Variants in GRIK1 observed in about 807,000 individuals in gnomAD.
The protein encoded by GRIK1 is glutamate ionotropic receptor kainate type subunit 1, also known as glutamate receptor ionotropic, kainate 1.
In GRIK1, 69 loss-of-function variants were observed where a neutral mutation model predicts 105.7. The observed-to-expected ratio is 0.65, with a 90% confidence interval of 0.54 to 0.80. The LOEUF (loss-of-function observed/expected upper bound fraction) is 0.80. Ranked by LOEUF, GRIK1 falls within the 30% of genes least tolerant of loss-of-function variation. GRIK1 has a pLI of 0.00. For synonymous variants in GRIK1, 438 were observed against 431.3 expected (o/e 1.02, Z -0.19); for missense variants, 1,109 against 1,167.3 (o/e 0.95, Z 0.73).
chr21:29,834,841 A>C (rs1306184490), intron 1 of GRIK1, among the ~76,000 whole-genome samples: 4 of 150,232 alleles, frequency 2.7e-5, no homozygotes. Flanking sequence ...TATTTATTCA[A>C]TATTACAATT....
At chr21:29,798,794 T>C (rs752430000) in intron 1 of GRIK1, among the ~76,000 whole-genome samples, 1 of 152,198 alleles carries the variant, frequency 6.6e-6, no homozygotes, top group Non-Finnish European at 1.5e-5. Flanking sequence ...AGGGACTCTG[T>C]ATATTAATTC....
chr21:29,799,957 G>C (rs549104650), intron 1 of GRIK1, among the ~76,000 whole-genome samples: 1 of 152,208 alleles, frequency 6.6e-6, no homozygotes, highest in Non-Finnish European at 1.5e-5. Context: ...ATTTTGTTAA[G>C]TGGAAAATAA....
intron 1 of GRIK1, among the ~76,000 whole-genome samples, chr21:29,727,098 G>A (rs1199687579): frequency 1.3e-5 from 2 of 151,782 alleles, no homozygotes; most frequent in African/African-American, 2.4e-5. Flanking sequence ...AAAATTTTTT[G>A]TATTTTCGGT....
chr21:29,789,952 AAATCTTTGTG>A (rs1346316875), intron 1 of GRIK1, among the ~76,000 whole-genome samples: 1 of 152,248 alleles, frequency 6.6e-6, no homozygotes, highest in Non-Finnish European at 1.5e-5. Flanking sequence ...CTCACAAATC[AAATCTTTGTG>A]AAGCTCATGA....
chr21:29,623,817 A>C (rs768858058), intron 7 of GRIK1, among the ~76,000 whole-genome samples: 1 of 152,214 alleles, frequency 6.6e-6, no homozygotes, highest in Non-Finnish European at 1.5e-5. Flanking sequence ...CACTAAGTAT[A>C]AAGTGTGGAT....
intron 1 of GRIK1, among the ~76,000 whole-genome samples, chr21:29,707,148 G>A (rs1406444755): frequency 6.6e-6 from 1 of 152,132 alleles, no homozygotes; most frequent in East Asian, 1.9e-4. Context: ...ACAGGCGTGA[G>A]CCACCGCGCC....
intron 1 of GRIK1, among the ~76,000 whole-genome samples, chr21:29,748,561 T>C (rs1396954915): frequency 6.6e-6 from 1 of 152,266 alleles, no homozygotes; most frequent in Non-Finnish European, 1.5e-5. Flanking sequence ...GTTTTACATT[T>C]AATGATTTTT....
Position 29,577,018 on chromosome 21 carries a change from T to C in GRIK1, c.2076A>G (p.Gln692=). 1.2e-6 allele frequency: 2 copies of C among 1,613,956 alleles called. No individual in the cohort carries two copies. The highest frequency in any genetic ancestry group is 1.7e-6 in the Non-Finnish European group (2 of 1,179,838). ...TAACCGCCCCATATTCTATCTTGGT[T>C]TGCTTTGCCAGATCATCTGCCGAAT... ...PIDSADDLAK[Q]TKIEYGAVRD... Residue 692 remains glutamine, a synonymous_variant, in exon 14 of 18, where the codon CAA becomes CAG. Coordinates refer to ENST00000327783, the MANE Select transcript of GRIK1 (RefSeq NM_001330994.2).
chr21:29,724,554 G>C (rs865864840), intron 1 of GRIK1, among the ~76,000 whole-genome samples: 4 of 152,148 alleles, frequency 2.6e-5, no homozygotes, highest in Non-Finnish European at 5.9e-5. Context: ...GAAGCCAAAC[G>C]GATTCTACAA....
intron 1 of GRIK1, among the ~76,000 whole-genome samples, chr21:29,858,059 C>A (rs2068517603): frequency 6.6e-6 from 1 of 152,118 alleles, no homozygotes; most frequent in South Asian, 2.1e-4. Flanking sequence ...TGCTATCACG[C>A]CTGGCTAAAT....
chr21:29,922,068 G>A (rs1360837602), intron 1 of GRIK1, among the ~76,000 whole-genome samples: 1 of 152,068 alleles, frequency 6.6e-6, no homozygotes, highest in Non-Finnish European at 1.5e-5. Flanking sequence ...TACTAAGTTG[G>A]ACAATGTGTT....
At chr21:29,647,831 CTCTT>C (rs756441782) in intron 6 of GRIK1, among the ~76,000 whole-genome samples, 3 of 152,210 alleles carry the variant, frequency 2.0e-5, no homozygotes, top group Non-Finnish European at 4.4e-5. Context: ...TGATAAAACA[CTCTT>C]TCTTTTTCTC....
intron 1 of GRIK1, among the ~76,000 whole-genome samples, chr21:29,921,119 T>A (rs866083798): frequency 6.6e-6 from 1 of 151,970 alleles, no homozygotes; most frequent in Admixed American, 6.6e-5. Context: ...TCCTGACCTC[T>A]AACCACTAAA....
intron 1 of GRIK1, among the ~76,000 whole-genome samples, chr21:29,771,043 A>C (rs764128424): frequency 6.6e-6 from 1 of 152,208 alleles, no homozygotes; most frequent in Non-Finnish European, 1.5e-5. Flanking sequence ...TTCTATTATA[A>C]TTGGTTCTGA....
chr21:29,812,321 G>A (rs900254709), intron 1 of GRIK1, among the ~76,000 whole-genome samples: 15 of 152,106 alleles, frequency 9.9e-5, no homozygotes, highest in Non-Finnish European at 2.1e-4. Flanking sequence ...TAATTATGCT[G>A]ATTAGATTAC....
chr21:29,654,706 T>G (rs1381747434), intron 5 of GRIK1, 104 bp downstream of exon 5: 4 of 751,864 alleles, frequency 5.3e-6, no homozygotes, highest in Non-Finnish European at 9.8e-6. Flanking sequence ...AAGGCAAGTC[T>G]CCATGACAAT....
In GRIK1 at chr21:29,627,784, T is replaced by A. The variant is rs1207393863; in HGVS notation, c.1098+15042A>T. Among the ~76,000 whole-genome samples the A allele has an allele frequency of 2.0e-5, 3 of 152,358 alleles. No homozygotes were observed. In the East Asian group the frequency reaches 5.8e-4, roughly 29 times the overall value. On this transcript the variant is annotated intron_variant, in intron 7 of 17. Coordinates refer to ENST00000327783, the MANE Select transcript of GRIK1 (RefSeq NM_001330994.2). ...ATTAATAACTCATTAATTAAGGTAA[T>A]CATTCATTTGGTTAACAAACTTTCC... is the stretch of plus-strand genomic sequence containing the variant.
intron 14 of GRIK1, among the ~76,000 whole-genome samples, chr21:29,565,733 C>A (rs1196635520): frequency 6.6e-6 from 1 of 152,170 alleles, no homozygotes; most frequent in Non-Finnish European, 1.5e-5. Flanking sequence ...CATGCCCAGC[C>A]GGTATAGTGA....
Position 29,641,398 on chromosome 21 carries a change from C to G in GRIK1, c.1098+1428G>C, listed in dbSNP as rs60705227. On this transcript the variant is annotated intron_variant, in intron 7 of 17. Transcript: ENST00000327783. ...TCTTGCCTGCCACCATGTAGACATG[C>G]CTTTCACTTTCCGCCATGATTGTGA... is the stretch of plus-strand genomic sequence containing the variant. Among the ~76,000 whole-genome samples the G allele has an allele frequency of 4.6e-5, 7 of 152,260 alleles. No individual in the cohort carries two copies. In the East Asian group the frequency reaches 5.8e-4, roughly 13 times the overall value.
Sources: gnomAD v4.1 joint callset for allele counts (sites outside exome capture counted in the v4.1 genomes callset) on GRCh38, gnomAD v4.1.1 for gene constraint, MANE v1.5 for transcripts, NCBI Gene and HGNC (gene_info 2026-07-23, HGNC 2026-07-21) for gene names.